The following NRXN3 variants were observed in gnomAD, a reference collection of about 807,000 sequenced individuals.
NRXN3 encodes the protein neurexin III.
In NRXN3, 32 loss-of-function variants were observed where a neutral mutation model predicts 137.6. The observed-to-expected ratio is 0.23, with a 90% CI of 0.18 to 0.31. The LOEUF (loss-of-function observed/expected upper bound fraction) is 0.31. NRXN3 is among the 10% of genes least tolerant of loss of function. NRXN3 has a pLI of 1.00. For synonymous variants in NRXN3, 798 were observed against 784.5 expected (o/e 1.02, Z -0.29); for missense variants, 1,574 against 2,062.5 (o/e 0.76, Z 4.59).
chr14:79,668,410 C>T (rs1336068906), intron 17 of NRXN3, among the ~76,000 whole-genome samples: 4 of 152,120 alleles, frequency 2.6e-5, no homozygotes, highest in South Asian at 4.2e-4. Context: ...TCCTGCCATA[C>T]CCATTTTAAG....
chr14:78,427,815 A>G (rs1017687569), intron 4 of NRXN3, among the ~76,000 whole-genome samples: 18 of 152,212 alleles, frequency 1.2e-4, no homozygotes, highest in African/African-American at 4.3e-4. Flanking sequence ...AAAGAAAGAT[A>G]ATACATCTTC....
At chr14:78,645,031 G>C in intron 4 of NRXN3, 89 bp from the exon 5 acceptor site, 1 of 1,168,932 alleles carries the variant, frequency 8.6e-7, no homozygotes, top group Non-Finnish European at 1.2e-6. Context: ...ACGGGGCAGT[G>C]CCCCTGCGGT....
intron 16 of NRXN3, among the ~76,000 whole-genome samples, chr14:79,632,015 T>G (rs1273363847): frequency 6.6e-6 from 1 of 152,164 alleles, no homozygotes; most frequent in Non-Finnish European, 1.5e-5. Context: ...GCAGGCCACC[T>G]GAGCCAGCAG....
At chr14:78,862,346 G>C (rs559215713) in intron 10 of NRXN3, among the ~76,000 whole-genome samples, 2 of 152,196 alleles carry the variant, frequency 1.3e-5, no homozygotes, top group East Asian at 3.9e-4. Context: ...GACTAGTAGA[G>C]AGTGGATATT....
chr14:78,530,518 T>A (rs1239687967), intron 4 of NRXN3, among the ~76,000 whole-genome samples: 1 of 152,244 alleles, frequency 6.6e-6, no homozygotes, highest in East Asian at 1.9e-4. Flanking sequence ...TATCTTCTTC[T>A]GAGTTTGGCT....
chr14:78,679,332 T>G (rs2098047367), intron 6 of NRXN3, among the ~76,000 whole-genome samples: 1 of 152,184 alleles, frequency 6.6e-6, no homozygotes, highest in Non-Finnish European at 1.5e-5. Context: ...ATATGGTTGA[T>G]CTACCTTATC....
In NRXN3 at chr14:79,401,640, C is replaced by T. The variant is rs750246401; in HGVS notation, c.3263-65581C>T. On this transcript the variant is annotated intron_variant, in intron 15 of 20. Transcript: ENST00000335750. Reference sequence around the variant, plus strand: ...ATGTCTTATTTTGCTTCCAGAGTCACGTGAGAAAACAGTAACAATTTGAGG... The same window carrying T: ...ATGTCTTATTTTGCTTCCAGAGTCATGTGAGAAAACAGTAACAATTTGAGG... 5.9e-5 allele frequency among the ~76,000 whole-genome samples: 9 copies of T among 152,232 alleles called. No homozygotes were observed. The South Asian group carries it at 6.2e-4, about 11-fold the overall frequency.
intron 4 of NRXN3, among the ~76,000 whole-genome samples, chr14:78,368,193 A>G (rs796162777): frequency 3.3e-5 from 5 of 152,342 alleles, no homozygotes; most frequent in African/African-American, 1.2e-4. Flanking sequence ...TGAAGATTTT[A>G]TAATTGAACA....
chr14:79,053,573 G>A (rs150566019), intron 15 of NRXN3, among the ~76,000 whole-genome samples: 91 of 152,238 alleles, frequency 6.0e-4, no homozygotes, highest in Middle Eastern at 3.4e-3. Context: ...GAGAGTGTGC[G>A]TGTGTATTTT....
chr14:78,207,707 G>A (rs922278272), intron 1 of NRXN3, among the ~76,000 whole-genome samples: 13 of 152,164 alleles, frequency 8.5e-5, no homozygotes, highest in African/African-American at 2.4e-4. Context: ...TCCCCACCAC[G>A]TTAGTCATCA....
chr14:79,430,393 A>C (rs2095730764), intron 15 of NRXN3, among the ~76,000 whole-genome samples: 1 of 152,206 alleles, frequency 6.6e-6, no homozygotes, highest in Non-Finnish European at 1.5e-5. Context: ...TTAGAGATTC[A>C]TTTGACTGAA....
chr14:79,731,815 T>G (rs1163969731), intron 19 of NRXN3, among the ~76,000 whole-genome samples: 3 of 151,800 alleles, frequency 2.0e-5, no homozygotes, highest in Admixed American at 6.6e-5. Flanking sequence ...TAGAATTTTT[T>G]ATTTTTTATT....
chr14:79,492,567 A>AAG (rs931606708), intron 16 of NRXN3, among the ~76,000 whole-genome samples: 17 of 152,040 alleles, frequency 1.1e-4, no homozygotes, highest in Admixed American at 4.6e-4. Flanking sequence ...ACCTTTAGTA[A>AAG]AGATGGGTTT....
intron 20 of NRXN3, among the ~76,000 whole-genome samples, chr14:79,829,316 C>G (rs943894041): frequency 1.3e-5 from 2 of 152,212 alleles, no homozygotes; most frequent in African/African-American, 4.8e-5. Flanking sequence ...CAAGAGCTTT[C>G]TAAGTCATGT....
intron 15 of NRXN3, among the ~76,000 whole-genome samples, chr14:79,345,218 C>T (rs1005416771): frequency 2.6e-5 from 4 of 151,818 alleles, no homozygotes; most frequent in African/African-American, 9.7e-5. Flanking sequence ...GTAGTTTTGG[C>T]TTGGTAGAGA....
At chr14:79,504,669 A>ATATATT (rs2096858766) in intron 16 of NRXN3, among the ~76,000 whole-genome samples, 1 of 143,346 alleles carries the variant, frequency 7.0e-6, no homozygotes, top group African/African-American at 2.6e-5. Context: ...ATATATATAT[A>ATATATT]TATATAAAAC....
intron 2 of NRXN3, among the ~76,000 whole-genome samples, chr14:78,259,895 C>T (rs2070391051): frequency 1.3e-5 from 2 of 152,110 alleles, no homozygotes; most frequent in South Asian, 4.2e-4. Flanking sequence ...GAACGGGGAG[C>T]CTAGGGAGGA....
At chr14:78,714,725 G>C in intron 7 of NRXN3, 31 bp from the exon 8 acceptor site, 1 of 1,600,774 alleles carries the variant, frequency 6.2e-7, no homozygotes, top group Admixed American at 1.7e-5. Flanking sequence ...GCAACTGGCA[G>C]ACTCACCTGA....
At position 78,583,596 on chromosome 14, in the gene NRXN3, G is replaced by T. The variant is rs551491819; in HGVS notation, c.758-61524G>T. Among the ~76,000 whole-genome samples the T allele has an allele frequency of 3.3e-5, 5 of 152,292 alleles. No homozygotes were observed. The South Asian group carries it at 8.3e-4, about 25-fold the overall frequency. On this transcript the variant is annotated intron_variant, in intron 4 of 20. Coordinates refer to ENST00000335750, the MANE Select transcript of NRXN3 (RefSeq NM_001330195.2). ...GCATTGTTTTGTAATAGTAAAATTG[G>T]ATCCTAATGAGCATAGTGGTAGAAG...
Sources: allele counts gnomAD v4.1 joint callset (sites outside exome capture counted in the v4.1 genomes callset), GRCh38; gene constraint gnomAD v4.1.1; transcripts MANE v1.5; gene names NCBI Gene and HGNC (gene_info 2026-07-23, HGNC 2026-07-21).